ATP9A: variants seen among roughly 807,000 people sequenced by gnomAD.
ATP9A encodes ATPase phospholipid transporting 9A, also known as probable phospholipid-transporting ATPase IIA.
Under a neutral mutation model 144.1 loss-of-function variants are expected in ATP9A, and 52 were observed. The observed-to-expected ratio is 0.36, with a 90% CI of 0.29 to 0.45. ATP9A has a LOEUF of 0.45. Ranked by LOEUF, ATP9A falls within the 20% of genes least tolerant of loss-of-function variation. ATP9A has a pLI of 1.00. For missense variants in ATP9A, 947 were observed against 1,392.7 expected (o/e 0.68, Z 5.09); for synonymous variants, 582 against 557.4 (o/e 1.04, Z -0.62).
chr20:51,601,054 G>A lies in ATP9A; in HGVS notation c.*157C>T, dbSNP rs911171221. The A allele has an allele frequency of 1.5e-5, 14 of 905,128 alleles. No individual in the cohort carries two copies. Among genetic ancestry groups the A allele is most frequent in the East Asian group, 5.7e-5 (2 of 35,094 alleles). The allele number at this position is 905,128 out of a possible 1,614,324, so 56.1% of individuals were successfully genotyped here. ...GGACCCTCCCTCCCGTTGATGCAGCGTTAGGACTCCGTTTAGGCGCAGAGC... is the reference window on the plus strand; with the variant it reads ...GGACCCTCCCTCCCGTTGATGCAGCATTAGGACTCCGTTTAGGCGCAGAGC... On this transcript the variant is annotated 3_prime_UTR_variant, in exon 28 of 28. Coordinates refer to ENST00000338821, the MANE Select transcript of ATP9A (RefSeq NM_006045.3).
At chr20:51,645,103 A>G (rs2077336793) in intron 14 of ATP9A, among the ~76,000 whole-genome samples, 1 of 152,256 alleles carries the variant, frequency 6.6e-6, no homozygotes, top group Non-Finnish European at 1.5e-5. Context: ...GATCAATTAC[A>G]GCTGTATGTA....
At chr20:51,660,779 G>T (rs2077407356) in intron 13 of ATP9A, among the ~76,000 whole-genome samples, 1 of 152,200 alleles carries the variant, frequency 6.6e-6, no homozygotes, top group African/African-American at 2.4e-5. Context: ...TCCCCATATG[G>T]AAGAGTTTCA....
chr20:51,690,789 C>T lies in ATP9A; in HGVS notation c.673G>A (p.Ala225Thr), dbSNP rs1254010146. Residue 225 changes from alanine (A) to threonine (T), a missense_variant, in exon 8 of 28, where the codon GCA (alanine) becomes ACA (threonine). Coordinates refer to ENST00000338821, the MANE Select transcript of ATP9A (RefSeq NM_006045.3). ...DLLQIRSYVY[A>T]EEPNIDIHNF... ...TGAATGTCAATATTTGGCTCTTCTG[C>T]GTACACATACGATCGAATCTGAAGA... is the stretch of plus-strand genomic sequence containing the variant. The T allele has an allele frequency of 7.4e-6, 12 of 1,614,122 alleles. No homozygotes were observed. The highest frequency in any genetic ancestry group is 1.1e-5 in the South Asian group (1 of 91,082).
At chr20:51,716,882 G>A (rs1030384970) in intron 3 of ATP9A, among the ~76,000 whole-genome samples, 8 of 152,020 alleles carry the variant, frequency 5.3e-5, no homozygotes, top group Admixed American at 3.3e-4. Flanking sequence ...CAAATTACAC[G>A]ACTTCTCAGA....
chr20:51,743,702 C>T (rs1211774225), intron 1 of ATP9A, among the ~76,000 whole-genome samples: 3 of 135,122 alleles, frequency 2.2e-5, no homozygotes, highest in Non-Finnish European at 4.8e-5. Flanking sequence ...CGTGCCCAGC[C>T]CAAATCCTTT....
chr20:51,760,959 C>G (rs1264459766), intron 1 of ATP9A, among the ~76,000 whole-genome samples: 3 of 149,200 alleles, frequency 2.0e-5, no homozygotes, highest in African/African-American at 7.5e-5. Context: ...ACCCAGGAGG[C>G]AGAGGTTGCA....
At chr20:51,628,538 T>C (rs1049084673) in intron 16 of ATP9A, among the ~76,000 whole-genome samples, 2 of 152,240 alleles carry the variant, frequency 1.3e-5, no homozygotes, top group Non-Finnish European at 2.9e-5. Context: ...TTGTTGAAGC[T>C]AGTTGCCAGG....
At chr20:51,690,926 A>G (rs1568822578) in intron 7 of ATP9A, 107 bp from the exon 8 acceptor site, 4 of 867,380 alleles carry the variant, frequency 4.6e-6, no homozygotes, top group Non-Finnish European at 5.6e-6. Context: ...CACACAGCAA[A>G]TGGCCCCTCA....
chr20:51,718,814 C>CAAAAAAAAAAAA (rs71192550), intron 3 of ATP9A, among the ~76,000 whole-genome samples: 28 of 57,688 alleles, frequency 4.9e-4, no homozygotes, highest in Admixed American at 6.4e-4. Context: ...GACTCCATCT[C>CAAAAAAAAAAAA]AAAAAAAAAA....
intron 9 of ATP9A, among the ~76,000 whole-genome samples, chr20:51,688,065 G>C (rs369128272): frequency 6.6e-6 from 1 of 152,178 alleles, no homozygotes; most frequent in African/African-American, 2.4e-5. Flanking sequence ...TGTGACCTCA[G>C]AGCAAGTTAC....
chr20:51,599,718 T>C lies in ATP9A; in HGVS notation c.*1493A>G, dbSNP rs2077134029. 1 of 152,188 alleles carries C rather than the reference T, an allele frequency of 6.6e-6. No individual in the cohort carries two copies. Among genetic ancestry groups the C allele is most frequent in the African/African-American group, 2.4e-5 (1 of 41,450 alleles). The allele number at this position is 152,188 out of a possible 1,614,324, so 9.4% of individuals were successfully genotyped here. On this transcript the variant is annotated 3_prime_UTR_variant, in exon 28 of 28. Coordinates refer to ENST00000338821, the MANE Select transcript of ATP9A (RefSeq NM_006045.3). ...CCAGCTCTCCAAGAGCAGGAGTTAG[T>C]AGGCATCAGAAACCAGGCTGTGATG...
In ATP9A at chr20:51,768,319, G is replaced by C; in HGVS notation, c.51C>G (p.Asp17Glu). 1 of 1,315,002 alleles carries C rather than the reference G, an allele frequency of 7.6e-7. No homozygotes were observed. Among genetic ancestry groups the C allele is most frequent in the Non-Finnish European group, 9.8e-7 (1 of 1,021,846 alleles). 81.5% of individuals were successfully genotyped at this position (1,315,002 alleles called of 1,614,324 possible). ...LQPVRQKKRM[D>E]SRPRAGCCEW... ...CCACTCACCCGGCGCGGGGCCTGCT[G>C]TCCATCCGCTTCTTCTGGCGCACCG... The change falls in exon 1 of 28, where the codon GAC (aspartate) becomes GAG (glutamate). Residue 17 changes from aspartate (D) to glutamate (E), a missense_variant. Coordinates refer to ENST00000338821, the MANE Select transcript of ATP9A (RefSeq NM_006045.3).
In ATP9A at chr20:51,639,411, G is replaced by A. The variant is rs6067860; in HGVS notation, c.1600C>T (p.Leu534=). 1 of 1,614,124 alleles carries A rather than the reference G, an allele frequency of 6.2e-7. No individual in the cohort carries two copies. Among genetic ancestry groups the A allele is most frequent in the Non-Finnish European group, 8.5e-7 (1 of 1,179,988 alleles). The change falls in exon 15 of 28, where the codon CTG becomes TTG. Residue 534 remains leucine, a synonymous_variant. Transcript: ENST00000338821. ...AAGATCTGTAGGATGGTGAAGTTCA[G>A]GATCTGGTCGCCAGGGGTCCTCAGC... ...MQLRTPGDQI[L]NFTILQIFPF...
At chr20:51,604,413 G>A (rs2077155102) in intron 27 of ATP9A, among the ~76,000 whole-genome samples, 1 of 152,120 alleles carries the variant, frequency 6.6e-6, no homozygotes, top group Non-Finnish European at 1.5e-5. Context: ...GGGCTGCACG[G>A]GCAAGGTTCT....
intron 15 of ATP9A, among the ~76,000 whole-genome samples, chr20:51,633,838 A>G (rs2077279718): frequency 6.8e-6 from 1 of 146,006 alleles, no homozygotes; most frequent in South Asian, 2.3e-4. Flanking sequence ...AGGGAGAGGG[A>G]GAGAGACAGA....
intron 27 of ATP9A, among the ~76,000 whole-genome samples, chr20:51,603,309 CT>C (rs1174105962): frequency 6.6e-6 from 1 of 152,244 alleles, no homozygotes; most frequent in Admixed American, 6.5e-5. Context: ...AGGATGACCC[CT>C]GGCCCTGAGG....
rs748189969 is a variant in ATP9A, at chr20:51,618,965, C to A, written c.2194G>T (p.Asp732Tyr). The change falls in exon 20 of 28, where the codon GAC becomes TAC. Residue 732 changes from aspartate to tyrosine, a missense_variant. Physicochemically the swap from Asp to Tyr is radical, Grantham distance 160 (BLOSUM62 -3). Coordinates refer to ENST00000338821, the MANE Select transcript of ATP9A (RefSeq NM_006045.3). ...GTCCCCAAGCTCACCTCCAGGGAGT[C>A]TCCCGAGATGACCAGGGCACAATCA... ...KHDCALVISG[D>Y]SLEVCLKYYE... 6 of 1,614,060 alleles carry A rather than the reference C, an allele frequency of 3.7e-6. No individual in the cohort carries two copies. The highest frequency in any genetic ancestry group is 5.1e-6 in the Non-Finnish European group (6 of 1,180,034).
chr20:51,708,699 G>A (rs1486841450), intron 4 of ATP9A, among the ~76,000 whole-genome samples: 1 of 152,202 alleles, frequency 6.6e-6, no homozygotes, highest in Non-Finnish European at 1.5e-5. Context: ...TCACGCTACT[G>A]CACTCTAGCC....
At chr20:51,730,567 G>A (rs983998286) in intron 1 of ATP9A, among the ~76,000 whole-genome samples, 18 of 152,224 alleles carry the variant, frequency 1.2e-4, no homozygotes, top group Admixed American at 9.8e-4. Context: ...TCTAAGAAAC[G>A]CATTAGGCCA....
Sources: gnomAD v4.1 joint callset for allele counts (sites outside exome capture counted in the v4.1 genomes callset) on GRCh38, gnomAD v4.1.1 for gene constraint, MANE v1.5 for transcripts, NCBI Gene and HGNC (gene_info 2026-07-23, HGNC 2026-07-21) for gene names.